The following TIE1 variants were observed in gnomAD, a reference collection of about 807,000 sequenced individuals.
TIE1 encodes tyrosine kinase with immunoglobulin like and EGF like domains 1.
TIE1 carries 89 observed loss-of-function variants against 130.5 expected under a neutral mutation model. The observed-to-expected ratio is 0.68, with a 90% confidence interval of 0.57 to 0.81. TIE1 has a LOEUF of 0.81. Among genes scored for constraint, TIE1 ranks in the 40% least tolerant of loss-of-function variants. The pLI is 0.00. For missense variants in TIE1, 1,392 were observed against 1,559.8 expected (o/e 0.89, Z 1.81); for synonymous variants, 568 against 629.4 (o/e 0.90, Z 1.46).
intron 9 of TIE1, among the ~76,000 whole-genome samples, chr1:43,310,212 C>T (rs559499243): frequency 2.6e-5 from 4 of 152,196 alleles, no homozygotes; most frequent in Admixed American, 6.5e-5. Flanking sequence ...CCCAGGTCCT[C>T]GCCATCTCCC....
rs1452476546 is a variant in TIE1, at chr1:43,307,655, T to TA, written c.913+84dup. On this transcript the variant is annotated intron_variant, in intron 6 of 22. Coordinates refer to ENST00000372476, the MANE Select transcript of TIE1 (RefSeq NM_005424.5). This position sits in a 1 kb window ranked among gnomAD's most constrained non-coding sequence, Gnocchi z 5.4. ...CGGACCCTCCACTCTGCCTCTGACT[T>TA]ACGCAGCAAGCCCTCCTGCTCACTT... The TA allele has an allele frequency of 1.6e-5, 26 of 1,606,678 alleles. No individual in the cohort carries two copies. In the Admixed American group the frequency reaches 4.3e-4, roughly 27 times the overall value.
At position 43,312,065 on chromosome 1, in the gene TIE1, A is replaced by C. The variant is rs775949387; in HGVS notation, c.1564A>C (p.Ser522Arg). The part of the protein sequence containing the change: ...KTGYSVRVQL[S>R]RPGEGGEGAW... ...AGGATACAGTGTTCGTGTGCAGCTGAGCCGGCCAGGGGAAGGAGGAGAGGG... is the reference window on the plus strand; with the variant it reads ...AGGATACAGTGTTCGTGTGCAGCTGCGCCGGCCAGGGGAAGGAGGAGAGGG... The change falls in exon 11 of 23, where the codon AGC becomes CGC. Residue 522 changes from serine to arginine, a missense_variant. Ser to Arg is a moderately radical substitution (Grantham distance 110, BLOSUM62 -1). Coordinates refer to ENST00000372476, the MANE Select transcript of TIE1 (RefSeq NM_005424.5). This position sits in a 1 kb window ranked among gnomAD's most constrained non-coding sequence, Gnocchi z 5.6. 2 of 1,606,336 alleles carry C rather than the reference A, an allele frequency of 1.2e-6. No homozygotes were observed. The highest frequency in any genetic ancestry group is 3.4e-5 in the Admixed American group (2 of 59,380).
In TIE1 at chr1:43,317,750, TTG is replaced by T; in HGVS notation, c.2731+77_2731+78del. ...CCATCACCTCCACCACATGAGTAGC[TTG>T]CCAGGGGCTGCTGGTGACCTGTGCA... On this transcript the variant is annotated intron_variant, in intron 16 of 22. Coordinates refer to ENST00000372476, the MANE Select transcript of TIE1 (RefSeq NM_005424.5). This position sits in a 1 kb window ranked among gnomAD's most constrained non-coding sequence, Gnocchi z 5.1. The T allele has an allele frequency of 6.8e-7, 1 of 1,470,260 alleles. No homozygotes were observed. The highest frequency in any genetic ancestry group is 1.3e-5 in the South Asian group (1 of 79,594). The allele number at this position is 1,470,260 out of a possible 1,614,324, so 91.1% of individuals were successfully genotyped here.
In TIE1 at chr1:43,322,731, C is replaced by G; in HGVS notation, c.*9C>G. 6.2e-7 allele frequency: 1 copy of G among 1,613,260 alleles called. No individual in the cohort carries two copies. Among genetic ancestry groups the G allele is most frequent in the Non-Finnish European group, 8.5e-7 (1 of 1,179,846 alleles). On this transcript the variant is annotated 3_prime_UTR_variant, in exon 23 of 23. Coordinates refer to ENST00000372476, the MANE Select transcript of TIE1 (RefSeq NM_005424.5). This position sits in a 1 kb window ranked among gnomAD's most constrained non-coding sequence, Gnocchi z 4.0. ...CAGCTGAGGAGGCCTGAGCTGCCATCCAGCCAGAACGTGGCTCTGCTGGCC... is the reference window on the plus strand; with the variant it reads ...CAGCTGAGGAGGCCTGAGCTGCCATGCAGCCAGAACGTGGCTCTGCTGGCC...
chr1:43,321,552 T>C (rs1646919915), intron 21 of TIE1, 60 bp downstream of exon 21: 1 of 1,561,544 alleles, frequency 6.4e-7, no homozygotes. Context: ...ACCTCAGCTT[T>C]GATCCCTGTG....
chr1:43,312,096 G>C lies in TIE1; in HGVS notation c.1595G>C (p.Trp532Ser), dbSNP rs540162952. ...SRPGEGGEGA[W>S]GPPTLMTTDC... ...CCAGGGGAAGGAGGAGAGGGGGCCTGGGGGCCTCCCACCCTCATGACCACA... is the reference window on the plus strand; with the variant it reads ...CCAGGGGAAGGAGGAGAGGGGGCCTCGGGGCCTCCCACCCTCATGACCACA... The change falls in exon 11 of 23, where the codon TGG (tryptophan) becomes TCG (serine). Residue 532 changes from tryptophan (W) to serine (S), a missense_variant. Around this residue, in one of 6 missense-constraint regions of TIE1, gnomAD observed 551 missense variants for 565.5 expected, o/e 0.97. Transcript: ENST00000372476. This position sits in a 1 kb window ranked among gnomAD's most constrained non-coding sequence, Gnocchi z 5.6. The C allele has an allele frequency of 7.6e-6, 12 of 1,586,996 alleles. No individual in the cohort carries two copies. The South Asian group carries it at 1.4e-4, about 18-fold the overall frequency.
At chr1:43,303,866 T>C (rs905098125) in intron 1 of TIE1, among the ~76,000 whole-genome samples, 1 of 152,126 alleles carries the variant, frequency 6.6e-6, no homozygotes, top group African/African-American at 2.4e-5. Context: ...CATCTCTTCA[T>C]CTCCCTGAGC....
intron 14 of TIE1, chr1:43,314,719 T>C (rs974458685): frequency 1.8e-5 from 4 of 225,540 alleles, no homozygotes; most frequent in African/African-American, 9.4e-5. Flanking sequence ...TCCCAGCTAC[T>C]CGGGAGGCTG....
chr1:43,314,137 T>A, intron 14 of TIE1, 169 bp downstream of exon 14: 1 of 888,920 alleles, frequency 1.1e-6, no homozygotes, highest in Non-Finnish European at 1.8e-6. Flanking sequence ...ATAATTTTCT[T>A]TATTTCTCTA....
chr1:43,314,189 A>T, intron 14 of TIE1: 1 of 718,928 alleles, frequency 1.4e-6, no homozygotes, highest in Non-Finnish European at 2.2e-6. Context: ...TTAGTGGTGA[A>T]ATATTTAATA....
Position 43,307,356 on chromosome 1 carries a change from G to A in TIE1, c.773-76G>A. 3 of 1,611,598 alleles carry A rather than the reference G, an allele frequency of 1.9e-6. No individual in the cohort carries two copies. The highest frequency in any genetic ancestry group is 2.5e-6 in the Non-Finnish European group (3 of 1,178,406). ...CCTAGAACCATGTGGGTGGAGCTTG[G>A]AGGGTAAGGGCGACAGGCAGGTCCT... On this transcript the variant is annotated intron_variant, in intron 5 of 22. Transcript: ENST00000372476. This position sits in a 1 kb window ranked among gnomAD's most constrained non-coding sequence, Gnocchi z 5.4.
Position 43,304,988 on chromosome 1 carries a change from GACGACCGTATCGTGCGC to G in TIE1, c.199_215del (p.Asp67ProfsTer68), listed in dbSNP as rs1557440434. ...GGGCCCGCCCCTGCTGCTGGAGAAG[GACGACCGTATCGTGCGC>G]ACCCCGCCCGGGCCACCCCTGCGCC... On this transcript the variant is annotated frameshift_variant, in exon 2 of 23. Coordinates refer to ENST00000372476, the MANE Select transcript of TIE1 (RefSeq NM_005424.5). LOFTEE classifies it high-confidence loss of function. The G allele has an allele frequency of 2.7e-6, 4 of 1,496,236 alleles. No individual in the cohort carries two copies. Among genetic ancestry groups the G allele is most frequent in the Admixed American group, 2.3e-5 (1 of 43,708 alleles). 92.7% of individuals were successfully genotyped at this position (1,496,236 alleles called of 1,614,324 possible).
rs944634748 is a variant in TIE1 at position 43,322,385 on chromosome 1, C to T, written c.3346-266C>T. On this transcript the variant is annotated intron_variant, in intron 22 of 22. Coordinates refer to ENST00000372476, the MANE Select transcript of TIE1 (RefSeq NM_005424.5). This position sits in a 1 kb window ranked among gnomAD's most constrained non-coding sequence, Gnocchi z 4.0. Reference sequence around the variant, plus strand: ...ACAGATAAGTTACTGAATGAATGAACGCATAAGCCAAGAATTCATTGAAAG... The same window carrying T: ...ACAGATAAGTTACTGAATGAATGAATGCATAAGCCAAGAATTCATTGAAAG... Among the ~76,000 whole-genome samples, 1 of 152,172 alleles carries T rather than the reference C, an allele frequency of 6.6e-6. No homozygotes were observed. The highest frequency in any genetic ancestry group is 1.5e-5 in the Non-Finnish European group (1 of 68,034).
Position 43,319,894 on chromosome 1 carries a change from A to G in TIE1, c.3107+365A>G. 1 of 310,226 alleles carries G rather than the reference A, an allele frequency of 3.2e-6. No individual in the cohort carries two copies. The highest frequency in any genetic ancestry group is 3.1e-5 in the South Asian group (1 of 31,934). The allele number at this position is 310,226 out of a possible 1,614,324, so 19.2% of individuals were successfully genotyped here. A position where few individuals can be genotyped will look rare whatever the true frequency, so the allele number is the denominator to read the frequency against. On this transcript the variant is annotated intron_variant, in intron 19 of 22. Transcript: ENST00000372476. The surrounding 1 kb of genome is among the most constrained non-coding windows in gnomAD (Gnocchi z 4.7). ...TGAAGGGCAAGGTCATGCCCACCTG[A>G]GGATCTTACCAGAGCATGACCCCCA...
Position 43,316,586 on chromosome 1 carries a change from C to T in TIE1, c.2410-613C>T, listed in dbSNP as rs902015329. 6.6e-6 allele frequency among the ~76,000 whole-genome samples: 1 copy of T among 152,172 alleles called. No individual in the cohort carries two copies. Among genetic ancestry groups the T allele is most frequent in the South Asian group, 2.1e-4 (1 of 4,826 alleles). On this transcript the variant is annotated intron_variant, in intron 14 of 22. Transcript: ENST00000372476. The surrounding 1 kb of genome is among the most constrained non-coding windows in gnomAD (Gnocchi z 4.4). ...TTCAGGTCCTGGCCTGATTTTAGAG[C>T]TATGGAGAAAAGCCAAGTGTGTGGA...
chr1:43,305,806 C>G (rs2282224), intron 3 of TIE1, among the ~76,000 whole-genome samples: 2 of 152,208 alleles, frequency 1.3e-5, no homozygotes, highest in Admixed American at 6.5e-5. Context: ...TGGGTAGACC[C>G]GTGGGATCTC....
rs1171595774 is a variant in TIE1, at chr1:43,313,293, G to A, written c.2086G>A (p.Asp696Asn). 6.2e-7 allele frequency: 1 copy of A among 1,614,002 alleles called. No homozygotes were observed. The highest frequency in any genetic ancestry group is 8.5e-7 in the Non-Finnish European group (1 of 1,179,954). ...AGGAGACCCACTGTGGATAGACGTGGACAGGCCTGAGGAGACAAGCACCAT... is the reference window on the plus strand; with the variant it reads ...AGGAGACCCACTGTGGATAGACGTGAACAGGCCTGAGGAGACAAGCACCAT... ...GAGDPLWIDVDRPEETSTIIR... is the reference protein window; with the variant it reads ...GAGDPLWIDVNRPEETSTIIR... The change falls in exon 13 of 23, where the codon GAC becomes AAC. Residue 696 changes from aspartate to asparagine, a missense_variant. Around this residue, in one of 6 missense-constraint regions of TIE1, gnomAD observed 551 missense variants for 565.5 expected, o/e 0.97. Coordinates refer to ENST00000372476, the MANE Select transcript of TIE1 (RefSeq NM_005424.5). This position sits in a 1 kb window ranked among gnomAD's most constrained non-coding sequence, Gnocchi z 6.2.
chr1:43,308,044 G>A, intron 7 of TIE1, 120 bp downstream of exon 7: 1 of 1,428,452 alleles, frequency 7.0e-7, no homozygotes, highest in Non-Finnish European at 9.4e-7. Context: ...CTGCCCTCAG[G>A]GAGCTTAGAG....
In TIE1 at chr1:43,312,554, TCCTGGGCCCGGCCTCGCCC is replaced by T; in HGVS notation, c.1885_1903del (p.Gly629HisfsTer28). 1 of 1,613,276 alleles carries T rather than the reference TCCTGGGCCCGGCCTCGCCC, an allele frequency of 6.2e-7. No homozygotes were observed. Among genetic ancestry groups the T allele is most frequent in the South Asian group, 1.1e-5 (1 of 91,032 alleles). On this transcript the variant is annotated frameshift_variant, in exon 12 of 23. Coordinates refer to ENST00000372476, the MANE Select transcript of TIE1 (RefSeq NM_005424.5). LOFTEE classifies it high-confidence loss of function. This position sits in a 1 kb window ranked among gnomAD's most constrained non-coding sequence, Gnocchi z 5.6. ...GATGTGCAGCTCTACCACTGCACCC[TCCTGGGCCCGGCCTCGCCC>T]CCTGCACACGTGCTTCTGCCCCCCA...
Sources: allele counts gnomAD v4.1 joint callset (sites outside exome capture counted in the v4.1 genomes callset), GRCh38; gene constraint gnomAD v4.1.1; regional missense constraint gnomAD v4.1.1; non-coding constraint Gnocchi (gnomAD v3.1); transcripts MANE v1.5; gene names NCBI Gene and HGNC (gene_info 2026-07-23, HGNC 2026-07-21).